The following CFAP73 variants were observed in gnomAD, a reference collection of about 807,000 sequenced individuals.
CFAP73 encodes the protein cilia and flagella associated protein 73.
In CFAP73, 33 loss-of-function variants were observed where a neutral mutation model predicts 42.9. The ratio of observed to expected loss-of-function variants is 0.77; its 90% confidence interval spans 0.58 to 1.03. CFAP73 has a LOEUF of 1.03. Among genes scored for constraint, CFAP73 ranks in the 50% least tolerant of loss-of-function variants. CFAP73 has a pLI of 0.00. For missense variants in CFAP73, 392 were observed against 411.9 expected (o/e 0.95, Z 0.42); for synonymous variants, 162 against 186.8 (o/e 0.87, Z 1.08).
At position 113,152,768 on chromosome 12, in the gene CFAP73, A is replaced by T. The variant is rs1429783836; in HGVS notation, c.163-15A>T. On this transcript the variant is annotated splice_polypyrimidine_tract_variant and intron_variant, in intron 2 of 7. Transcript: ENST00000335621. The stretch of plus-strand genomic sequence containing the variant: ...ACCCCCGAACCCACACAGACAACCC[A>T]CTCCTCACCCCCAGGTGTTCCGCAC... 6.5e-7 allele frequency: 1 copy of T among 1,546,334 alleles called. No homozygotes were observed. The highest frequency in any genetic ancestry group is 1.4e-5 in the African/African-American group (1 of 72,916).
chr12:113,154,277 C>G lies in CFAP73; in HGVS notation c.469-137C>G, dbSNP rs924211131. On this transcript the variant is annotated intron_variant, in intron 4 of 7. Transcript: ENST00000335621. The surrounding 1 kb of genome is among the most constrained non-coding windows in gnomAD (Gnocchi z 4.7). ...CAGGTGACAGAGCGAGACCTTGTCT[C>G]TAACAAATGGAGGTTGACATTTAAG... is the stretch of plus-strand genomic sequence containing the variant. The G allele has an allele frequency of 2.7e-6, 3 of 1,097,968 alleles. No individual in the cohort carries two copies. Among genetic ancestry groups the G allele is most frequent in the African/African-American group, 3.2e-5 (2 of 62,186 alleles). The allele number at this position is 1,097,968 out of a possible 1,614,324, so 68.0% of individuals were successfully genotyped here.
At chr12:113,157,251 C>A in intron 6 of CFAP73, 1 of 258,462 alleles carries the variant, frequency 3.9e-6, no homozygotes, top group East Asian at 7.3e-5. Context: ...GAGAGCCACC[C>A]ACGGAGATAA....
Position 113,154,450 on chromosome 12 carries a change from G to T in CFAP73, c.505G>T (p.Gly169Cys). The T allele has an allele frequency of 1.3e-6, 2 of 1,547,110 alleles. No homozygotes were observed. Among genetic ancestry groups the T allele is most frequent in the Non-Finnish European group, 1.7e-6 (2 of 1,145,776 alleles). ...TCCGGAGCTGGTGGCGCGCTTCGACGGCCTGGCCGAGACGCAGGCGGCGCT... is the reference window on the plus strand; with the variant it reads ...TCCGGAGCTGGTGGCGCGCTTCGACTGCCTGGCCGAGACGCAGGCGGCGCT... Reference protein sequence around the residue: ...EVPELVARFDGLAETQAALRL... With the variant: ...EVPELVARFDCLAETQAALRL... The change falls in exon 5 of 8, where the codon GGC becomes TGC. Residue 169 changes from glycine (G) to cysteine (C), a missense_variant. Coordinates refer to ENST00000335621, the MANE Select transcript of CFAP73 (RefSeq NM_001144872.3). This position sits in a 1 kb window ranked among gnomAD's most constrained non-coding sequence, Gnocchi z 4.7.
chr12:113,153,442 C>T (rs986415152), intron 4 of CFAP73, 34 bp downstream of exon 4: 3 of 1,381,162 alleles, frequency 2.2e-6, no homozygotes, highest in Admixed American at 7.1e-5. Flanking sequence ...GAGCTCGGCG[C>T]CACCGCGTGG....
Position 113,154,042 on chromosome 12 carries a change from T to C in CFAP73, c.469-372T>C, listed in dbSNP as rs1952091849. ...GGCTCACGCCTGTAATCCCAACACT[T>C]TGGGGGGCCAAGGCGGGAGGATTGC... On this transcript the variant is annotated intron_variant, in intron 4 of 7. Coordinates refer to ENST00000335621, the MANE Select transcript of CFAP73 (RefSeq NM_001144872.3). This position sits in a 1 kb window ranked among gnomAD's most constrained non-coding sequence, Gnocchi z 4.7. Among the ~76,000 whole-genome samples the C allele has an allele frequency of 6.6e-6, 1 of 151,860 alleles. No homozygotes were observed. The highest frequency in any genetic ancestry group is 6.6e-5 in the Admixed American group (1 of 15,258).
At chr12:113,152,706 G>A (rs1246908463) in intron 2 of CFAP73, 77 bp from the exon 3 acceptor site, 1 of 978,850 alleles carries the variant, frequency 1.0e-6, no homozygotes, top group Non-Finnish European at 1.6e-6. Context: ...CAGGTGGAAG[G>A]GGTTAGGTGT....
At position 113,157,602 on chromosome 12, in the gene CFAP73, G is replaced by A; in HGVS notation, c.850G>A (p.Val284Met). 6.4e-7 allele frequency: 1 copy of A among 1,551,646 alleles called. No homozygotes were observed. The highest frequency in any genetic ancestry group is 8.7e-7 in the Non-Finnish European group (1 of 1,146,974). ...IEDTEGQLEH[V>M]KLFMQDLSAM... The stretch of plus-strand genomic sequence containing the variant: ...GTGACTTCGTGCTGGGCCCCCCCAG[G>A]TGAAGCTGTTCATGCAGGACCTCTC... Residue 284 changes from valine (V) to methionine (M), a missense_variant and splice_region_variant, in exon 7 of 8, where the codon GTG becomes ATG. By Grantham distance (21) the Val-to-Met change is conservative (BLOSUM62 1). Transcript: ENST00000335621.
chr12:113,155,760 C>T (rs1201558498), intron 6 of CFAP73, among the ~76,000 whole-genome samples: 1 of 152,134 alleles, frequency 6.6e-6, no homozygotes, highest in Non-Finnish European at 1.5e-5. Context: ...TCACAGGATC[C>T]AACAGCCCAC....
rs576331938 is a variant in CFAP73 at position 113,155,544 on chromosome 12, T to C, written c.849+126T>C. The C allele has an allele frequency of 1.0e-5, 11 of 1,072,142 alleles. No individual in the cohort carries two copies. The Admixed American group carries it at 2.8e-4, about 27-fold the overall frequency. The allele number at this position is 1,072,142 out of a possible 1,614,324, so 66.4% of individuals were successfully genotyped here. A position where few individuals can be genotyped will look rare whatever the true frequency, so the allele number is the denominator to read the frequency against. ...CATGGCCCTCTACGGTCAGAGCCCTTGCCCCAGCCGTGGCTCGATTGTCGG... is the reference window on the plus strand; with the variant it reads ...CATGGCCCTCTACGGTCAGAGCCCTCGCCCCAGCCGTGGCTCGATTGTCGG... On this transcript the variant is annotated intron_variant, in intron 6 of 7. Coordinates refer to ENST00000335621, the MANE Select transcript of CFAP73 (RefSeq NM_001144872.3).
chr12:113,157,721 AC>A, intron 7 of CFAP73, 31 bp downstream of exon 7: 1 of 1,481,100 alleles, frequency 6.8e-7, no homozygotes, highest in Non-Finnish European at 9.2e-7. Context: ...CCCCTGAGAG[AC>A]CCTGAGATAG....
At chr12:113,153,558 T>C (rs1952086480) in intron 4 of CFAP73, 150 bp downstream of exon 4, 1 of 635,022 alleles carries the variant, frequency 1.6e-6, no homozygotes, top group African/African-American at 1.9e-5. Flanking sequence ...GAGCGCTCAC[T>C]GTAAGCAAGG....
At position 113,158,920 on chromosome 12, in the gene CFAP73, C is replaced by T. The variant is rs146882826; in HGVS notation, c.*231C>T. 1,197 of 1,608,620 alleles carry T rather than the reference C, an allele frequency of 7.4e-4. No individual in the cohort carries two copies. Among genetic ancestry groups the T allele is most frequent in the Non-Finnish European group, 9.2e-4 (1,077 of 1,176,304 alleles). On this transcript the variant is annotated 3_prime_UTR_variant, in exon 8 of 8. Coordinates refer to ENST00000335621, the MANE Select transcript of CFAP73 (RefSeq NM_001144872.3). The surrounding 1 kb of genome is among the most constrained non-coding windows in gnomAD (Gnocchi z 4.9). ...CTTGCCCTTCTTGGAGCGGGCACCC[C>T]GGCCGAAGGCGCCCTGCTGCAGCTC...
chr12:113,159,207 G>T lies in CFAP73; in HGVS notation c.*518G>T. 7.7e-7 allele frequency: 1 copy of T among 1,306,312 alleles called. No individual in the cohort carries two copies. The highest frequency in any genetic ancestry group is 1.0e-6 in the Non-Finnish European group (1 of 960,970). The allele number at this position is 1,306,312 out of a possible 1,614,324, so 80.9% of individuals were successfully genotyped here. On this transcript the variant is annotated 3_prime_UTR_variant, in exon 8 of 8. Transcript: ENST00000335621. ...AGACTCCTCCCCTGCCCCTACTCCT[G>T]TTCTGTGCTTATTGCTGTGGCCCAG...
At chr12:113,157,956 C>T in intron 7 of CFAP73, 1 of 490,136 alleles carries the variant, frequency 2.0e-6, no homozygotes, top group Non-Finnish European at 3.7e-6. Flanking sequence ...ACCAGGCCCT[C>T]CCTGCCAGGG....
intron 6 of CFAP73, among the ~76,000 whole-genome samples, chr12:113,155,890 G>T (rs1952118760): frequency 6.6e-6 from 1 of 152,016 alleles, no homozygotes; most frequent in Non-Finnish European, 1.5e-5. Flanking sequence ...GGTGAGGGTG[G>T]GGTTAGGCTG....
At chr12:113,157,714 CT>C in intron 7 of CFAP73, 24 bp downstream of exon 7, 1 of 1,450,782 alleles carries the variant, frequency 6.9e-7, no homozygotes, top group Non-Finnish European at 9.4e-7. Context: ...GAGGGAACCC[CT>C]GAGAGACCCT....
Position 113,152,818 on chromosome 12 carries a change from T to C in CFAP73, c.198T>C (p.Arg66=), listed in dbSNP as rs1952076061. ...FRTKTAALKQ[R]WEQLEQKERE... Reference sequence around the variant, plus strand: ...CCAAGACGGCAGCCCTGAAACAGCGTTGGGAACAGCTGGAACAAAAGGAGC... The same window carrying C: ...CCAAGACGGCAGCCCTGAAACAGCGCTGGGAACAGCTGGAACAAAAGGAGC... The change falls in exon 3 of 8, where the codon CGT becomes CGC. Residue 66 remains arginine, a synonymous_variant. Transcript: ENST00000335621. 8 of 1,551,172 alleles carry C rather than the reference T, an allele frequency of 5.2e-6. No individual in the cohort carries two copies. Among genetic ancestry groups the C allele is most frequent in the Non-Finnish European group, 7.0e-6 (8 of 1,146,878 alleles).
intron 6 of CFAP73, chr12:113,157,254 G>A (rs1197547575): frequency 1.1e-5 from 3 of 262,054 alleles, no homozygotes; most frequent in Admixed American, 4.9e-5. Context: ...AGCCACCCAC[G>A]GAGATAAGAG....
chr12:113,156,051 G>C (rs552159802), intron 6 of CFAP73, among the ~76,000 whole-genome samples: 1 of 151,888 alleles, frequency 6.6e-6, no homozygotes, highest in South Asian at 2.1e-4. Context: ...CTCTCGAGTA[G>C]TTGGGATTAC....
Sources: gnomAD v4.1 joint callset for allele counts (sites outside exome capture counted in the v4.1 genomes callset) on GRCh38, gnomAD v4.1.1 for gene constraint, Gnocchi (gnomAD v3.1) non-coding constraint, MANE v1.5 for transcripts, NCBI Gene and HGNC (gene_info 2026-07-23, HGNC 2026-07-21) for gene names.